Variants in STARD3 observed in about 807,000 individuals in gnomAD.
The protein encoded by STARD3 is StAR related lipid transfer domain containing 3.
A neutral mutation model predicts 62.0 loss-of-function variants in STARD3; 39 were observed. That is an observed-to-expected ratio of 0.63 (90% CI 0.49 to 0.82). STARD3 has a LOEUF of 0.82. Among genes scored for constraint, STARD3 ranks in the 40% least tolerant of loss-of-function variants. STARD3 has a pLI of 0.00. For synonymous variants in STARD3, 229 were observed against 242.4 expected (o/e 0.94, Z 0.51); for missense variants, 543 against 584.5 (o/e 0.93, Z 0.73).
At position 39,648,238 on chromosome 17, in the gene STARD3, G is replaced by C. The variant is rs2057044937; in HGVS notation, c.-51-5243G>C. ...GGAGGCGGAGCTTGCAGTGAGCCTA[G>C]ATCGCGCCACTGCACTCCAGCCTGG... is the stretch of plus-strand genomic sequence containing the variant. On this transcript the variant is annotated intron_variant, in intron 1 of 14. Coordinates refer to ENST00000336308, the MANE Select transcript of STARD3 (RefSeq NM_006804.4). Among the ~76,000 whole-genome samples, 5 of 152,256 alleles carry C rather than the reference G, an allele frequency of 3.3e-5. No individual in the cohort carries two copies. The South Asian group carries it at 1.0e-3, about 32-fold the overall frequency.
At chr17:39,662,727 C>T (rs1165094382) in intron 14 of STARD3, 77 bp from the exon 15 acceptor site, 10 of 1,388,078 alleles carry the variant, frequency 7.2e-6, no homozygotes, top group Non-Finnish European at 9.9e-6. Flanking sequence ...CCAGAGCCCC[C>T]CTGCTGGTGC....
At chr17:39,647,114 G>A (rs1399613627) in intron 1 of STARD3, among the ~76,000 whole-genome samples, 1 of 151,888 alleles carries the variant, frequency 6.6e-6, no homozygotes, top group Non-Finnish European at 1.5e-5. Context: ...CAGGAGAATC[G>A]CTTGCACCTG....
At chr17:39,644,340 C>T (rs1159290538) in intron 1 of STARD3, among the ~76,000 whole-genome samples, 1 of 152,078 alleles carries the variant, frequency 6.6e-6, no homozygotes, top group Non-Finnish European at 1.5e-5. Context: ...AGCCAGGAGA[C>T]TCGAAGTGGT....
chr17:39,654,911 C>T (rs1363422435), intron 2 of STARD3, among the ~76,000 whole-genome samples: 1 of 152,222 alleles, frequency 6.6e-6, no homozygotes, highest in Non-Finnish European at 1.5e-5. Flanking sequence ...AGAGACAGGG[C>T]TCTGAGGGTG....
At chr17:39,644,687 AAG>A (rs1491031491) in intron 1 of STARD3, among the ~76,000 whole-genome samples, 16 of 143,576 alleles carry the variant, frequency 1.1e-4, no homozygotes, top group South Asian at 9.0e-4. Flanking sequence ...AAAAAAAAAA[AAG>A]AAGAAGAAAA....
chr17:39,647,120 A>C (rs2057033675), intron 1 of STARD3, among the ~76,000 whole-genome samples: 1 of 151,596 alleles, frequency 6.6e-6, no homozygotes, highest in Non-Finnish European at 1.5e-5. Context: ...AATCGCTTGC[A>C]CCTGGGAGGC....
chr17:39,657,459 G>A lies in STARD3; in HGVS notation c.298-316G>A, dbSNP rs146478395. ...GGAGAATCACTTGAACCTGGGAGGC[G>A]GAGGTTGCAGTGAGCTGAGACCGTG... On this transcript the variant is annotated intron_variant, in intron 3 of 14. Coordinates refer to ENST00000336308, the MANE Select transcript of STARD3 (RefSeq NM_006804.4). 5.5e-3 allele frequency among the ~76,000 whole-genome samples: 842 copies of A among 152,000 alleles called. 5 individuals carry two copies. The highest frequency in any genetic ancestry group is 6.6e-3 in the Non-Finnish European group (448 of 67,952).
chr17:39,640,506 C>T (rs184209946), intron 1 of STARD3, among the ~76,000 whole-genome samples: 1 of 151,330 alleles, frequency 6.6e-6, no homozygotes, highest in Non-Finnish European at 1.5e-5. Flanking sequence ...CCCTTCCATC[C>T]CCCCAACCCC....
intron 7 of STARD3, 97 bp downstream of exon 7, chr17:39,658,917 C>T (rs1228039874): frequency 6.4e-7 from 1 of 1,564,974 alleles, no homozygotes; most frequent in Non-Finnish European, 8.8e-7. Context: ...TATCAGGCTC[C>T]CTGGGGAAAG....
chr17:39,643,382 C>T (rs1353503070), intron 1 of STARD3, among the ~76,000 whole-genome samples: 1 of 152,156 alleles, frequency 6.6e-6, no homozygotes, highest in Non-Finnish European at 1.5e-5. Context: ...TCCGCTCTGC[C>T]TCTTCCTGGC....
At chr17:39,646,803 G>T (rs2057030287) in intron 1 of STARD3, among the ~76,000 whole-genome samples, 1 of 152,172 alleles carries the variant, frequency 6.6e-6, no homozygotes, top group South Asian at 2.1e-4. Flanking sequence ...AGCGGTGTGG[G>T]GGCGTGTGCC....
intron 2 of STARD3, among the ~76,000 whole-genome samples, chr17:39,656,708 A>G (rs1413460954): frequency 2.0e-5 from 3 of 152,060 alleles, no homozygotes; most frequent in East Asian, 1.9e-4. Context: ...TATAGGGCGC[A>G]TTGCCTCCCC....
chr17:39,664,003 G>A lies in STARD3; in HGVS notation c.*1095G>A, dbSNP rs1019601175. ...CTGCCTGCCTTCCTCCTCCCTCCCG[G>A]CTGGCCTGCCCCCTTGCCTGCCTGC... On this transcript the variant is annotated 3_prime_UTR_variant, in exon 15 of 15. Coordinates refer to ENST00000336308, the MANE Select transcript of STARD3 (RefSeq NM_006804.4). Among the ~76,000 whole-genome samples the A allele has an allele frequency of 6.6e-6, 1 of 152,160 alleles. No homozygotes were observed. Among genetic ancestry groups the A allele is most frequent in the African/African-American group, 2.4e-5 (1 of 41,426 alleles).
chr17:39,656,884 C>A, intron 2 of STARD3, 124 bp from the exon 3 acceptor site: 1 of 894,504 alleles, frequency 1.1e-6, no homozygotes, highest in African/African-American at 1.7e-5. Flanking sequence ...TGGGTGGTGG[C>A]TTAGCATCAA....
intron 8 of STARD3, 110 bp downstream of exon 8, chr17:39,659,216 C>A: frequency 7.3e-7 from 1 of 1,370,850 alleles, no homozygotes; most frequent in Non-Finnish European, 1.0e-6. Context: ...GGCTGAACCT[C>A]GGGCAATGCC....
At chr17:39,661,196 C>G (rs2145045690) in intron 13 of STARD3, 111 bp downstream of exon 13, 1 of 918,368 alleles carries the variant, frequency 1.1e-6, no homozygotes, top group Non-Finnish European at 1.7e-6. Flanking sequence ...AGGCTGCGTT[C>G]CTGTTCCCTG....
intron 1 of STARD3, among the ~76,000 whole-genome samples, chr17:39,647,606 T>C (rs1290673925): frequency 1.3e-5 from 2 of 152,174 alleles, no homozygotes; most frequent in Admixed American, 6.5e-5. Flanking sequence ...CGGTGGGTTT[T>C]CATCACTTAG....
rs534183321 is a variant in STARD3 at position 39,663,651 on chromosome 17, C to A, written c.*743C>A. Among the ~76,000 whole-genome samples the A allele has an allele frequency of 6.7e-6, 1 of 149,470 alleles. No homozygotes were observed. The highest frequency in any genetic ancestry group is 1.5e-5 in the Non-Finnish European group (1 of 67,148). On this transcript the variant is annotated 3_prime_UTR_variant, in exon 15 of 15. Coordinates refer to ENST00000336308, the MANE Select transcript of STARD3 (RefSeq NM_006804.4). Reference sequence around the variant, plus strand: ...CCCCATTCCCCCCCCGCCCACCCCCCACTCCCCGCTTTCCTGACCAGTTCA... The same window carrying A: ...CCCCATTCCCCCCCCGCCCACCCCCAACTCCCCGCTTTCCTGACCAGTTCA...
intron 1 of STARD3, 191 bp from the exon 2 acceptor site, chr17:39,653,290 A>T: frequency 1.7e-6 from 1 of 584,992 alleles, no homozygotes; most frequent in Non-Finnish European, 3.0e-6. Context: ...GAGGACAGAT[A>T]ATTAGCGGAA....
Sources: allele counts gnomAD v4.1 joint callset (sites outside exome capture counted in the v4.1 genomes callset), GRCh38; gene constraint gnomAD v4.1.1; transcripts MANE v1.5; gene names NCBI Gene and HGNC (gene_info 2026-07-23, HGNC 2026-07-21).